The following TCF12 variants were observed in gnomAD, a reference collection of about 807,000 sequenced individuals.
TCF12 encodes DNA-binding protein HTF4.
TCF12 carries 45 observed loss-of-function variants against 86.0 expected under a neutral mutation model. The ratio of observed to expected loss-of-function variants is 0.52; its 90% CI spans 0.41 to 0.67. TCF12 has a LOEUF of 0.67. Among genes scored for constraint, TCF12 ranks in the 30% least tolerant of loss-of-function variants. The pLI, the probability that TCF12 is intolerant of heterozygous loss-of-function variation, is 0.00. For synonymous variants in TCF12, 330 were observed against 299.6 expected, an observed-to-expected ratio of 1.10 and a Z score of -1.05; for missense variants, 881 against 859.9, an observed-to-expected ratio of 1.02 and a Z score of -0.31.
chr15:56,923,568 A>G (rs2059884340), intron 3 of TCF12, among the ~76,000 whole-genome samples: 1 of 152,106 alleles, frequency 6.6e-6, no homozygotes, highest in Non-Finnish European at 1.5e-5. Context: ...AAGGTCAGGC[A>G]CTCTAATTAG....
chr15:57,255,412 T>C (rs964290819), intron 16 of TCF12, among the ~76,000 whole-genome samples: 2 of 152,218 alleles, frequency 1.3e-5, no homozygotes, highest in African/African-American at 2.4e-5. Context: ...TACTATATGC[T>C]GAAGGAATGC....
intron 5 of TCF12, among the ~76,000 whole-genome samples, chr15:57,127,276 C>T (rs1380840174): frequency 6.6e-6 from 1 of 152,098 alleles, no homozygotes; most frequent in East Asian, 1.9e-4. Context: ...AGCCACCTTG[C>T]CTGGCCCGCT....
chr15:56,991,259 A>G lies in TCF12; in HGVS notation c.148+70161A>G, dbSNP rs7175020. On this transcript the variant is annotated intron_variant, in intron 3 of 20. Coordinates refer to ENST00000333725, the MANE Select transcript of TCF12 (RefSeq NM_207037.2). ...GGATTTGCACTGATTTATGCATCCAATTCTCTCCTGATTTCTTTACTTTTC... is the reference window on the plus strand; with the variant it reads ...GGATTTGCACTGATTTATGCATCCAGTTCTCTCCTGATTTCTTTACTTTTC... 5.3e-3 allele frequency among the ~76,000 whole-genome samples: 810 copies of G among 152,186 alleles called. 11 individuals are homozygous for G. Among genetic ancestry groups the G allele is most frequent in the African/African-American group, 0.019 (769 of 41,518 alleles).
At chr15:57,219,405 G>A in intron 8 of TCF12, 1 of 1,366,218 alleles carries the variant, frequency 7.3e-7, no homozygotes, top group South Asian at 2.0e-5. Flanking sequence ...TTCCTTTTGA[G>A]TAGATCCATG....
rs554053446 is a variant in TCF12, at chr15:56,935,493, G to A, written c.148+14395G>A. ...TTTTTTAAAAAAATTTTTTGTTTCC[G>A]TAGGTTTTTGGGGAACAGGTGGTAT... On this transcript the variant is annotated intron_variant, in intron 3 of 20. Coordinates refer to ENST00000333725, the MANE Select transcript of TCF12 (RefSeq NM_207037.2). 3.9e-4 allele frequency among the ~76,000 whole-genome samples: 59 copies of A among 151,920 alleles called. 1 individual carries two copies. The highest frequency in any genetic ancestry group is 1.3e-3 in the African/African-American group (52 of 41,416).
rs1567452341 is a variant in TCF12 at position 57,115,418 on chromosome 15, T to C, written c.325+23527T>C. Among the ~76,000 whole-genome samples, 22 of 152,300 alleles carry C rather than the reference T, an allele frequency of 1.4e-4. 1 individual carries two copies. The South Asian group carries it at 4.6e-3, about 32-fold the overall frequency. ...ATTTTTGATGAAATTGGCAGTGACA[T>C]TAGTGGCATTAGCATCTTACAAACA... On this transcript the variant is annotated intron_variant, in intron 5 of 20. Coordinates refer to ENST00000333725, the MANE Select transcript of TCF12 (RefSeq NM_207037.2).
At chr15:56,982,674 A>G (rs2062952596) in intron 3 of TCF12, among the ~76,000 whole-genome samples, 1 of 152,236 alleles carries the variant, frequency 6.6e-6, no homozygotes, top group Non-Finnish European at 1.5e-5. Context: ...TAATCTTTCA[A>G]GGAGGAAGAA....
intron 5 of TCF12, among the ~76,000 whole-genome samples, chr15:57,115,762 C>T (rs575800170): frequency 1.8e-4 from 27 of 152,096 alleles, no homozygotes; most frequent in South Asian, 1.2e-3. Flanking sequence ...GTCATTTTGG[C>T]GTGTGGTGTA....
chr15:57,226,857 A>G (rs550130159), intron 8 of TCF12, among the ~76,000 whole-genome samples: 1 of 152,178 alleles, frequency 6.6e-6, no homozygotes, highest in Non-Finnish European at 1.5e-5. Context: ...AATAAAATTT[A>G]AAATTCAGTT....
intron 3 of TCF12, among the ~76,000 whole-genome samples, chr15:56,947,063 G>C (rs1368228343): frequency 6.6e-6 from 1 of 152,118 alleles, no homozygotes; most frequent in Non-Finnish European, 1.5e-5. Context: ...TTCGCAAATT[G>C]CTAGGATTAC....
intron 3 of TCF12, among the ~76,000 whole-genome samples, chr15:57,015,555 G>A (rs1410529946): frequency 3.3e-5 from 5 of 152,190 alleles, no homozygotes; most frequent in African/African-American, 1.2e-4. Context: ...AGGTTTGGCT[G>A]GCTGAGGTTT....
chr15:57,037,429 TCAAAAAAACAAA>T (rs1255290445), intron 3 of TCF12, among the ~76,000 whole-genome samples: 1 of 134,210 alleles, frequency 7.5e-6, no homozygotes, highest in Non-Finnish European at 1.5e-5. Context: ...TGACAAGAGC[TCAAAAAAACAAA>T]CAAACAAACA....
intron 4 of TCF12, among the ~76,000 whole-genome samples, chr15:57,078,602 A>G (rs1596426717): frequency 6.6e-6 from 1 of 152,056 alleles, no homozygotes; most frequent in East Asian, 1.9e-4. Context: ...CATATGCATT[A>G]TCACACTTCC....
chr15:57,079,621 C>G (rs1361010469), intron 4 of TCF12, among the ~76,000 whole-genome samples: 2 of 152,148 alleles, frequency 1.3e-5, no homozygotes, highest in African/African-American at 4.8e-5. Flanking sequence ...TTATTCAATT[C>G]TAGTAGATGT....
At chr15:57,174,272 A>T (rs1195847841) in intron 6 of TCF12, among the ~76,000 whole-genome samples, 1 of 152,206 alleles carries the variant, frequency 6.6e-6, no homozygotes, top group Admixed American at 6.5e-5. Flanking sequence ...TTGAAAATCC[A>T]TGTATTTAGT....
At chr15:57,064,029 G>T (rs538048987) in intron 4 of TCF12, among the ~76,000 whole-genome samples, 1 of 152,164 alleles carries the variant, frequency 6.6e-6, no homozygotes, top group South Asian at 2.1e-4. Context: ...AAATATTCTT[G>T]GTGTTACTTG....
At chr15:57,261,765 T>TATATAGGATTATTAACAGACCC (rs6145574) in intron 16 of TCF12, among the ~76,000 whole-genome samples, 1 of 151,760 alleles carries the variant, frequency 6.6e-6, no homozygotes, top group Non-Finnish European at 1.5e-5. Context: ...TCAGATTGAT[T>TATATAGGATTATTAACAGACCC]TATAATACGT....
At chr15:57,002,502 A>G (rs902727058) in intron 3 of TCF12, among the ~76,000 whole-genome samples, 2 of 152,332 alleles carry the variant, frequency 1.3e-5, no homozygotes, top group African/African-American at 2.4e-5. Flanking sequence ...CTGTGTAGTG[A>G]CATCTACCTA....
At chr15:57,229,016 A>G (rs1483004114) in intron 8 of TCF12, among the ~76,000 whole-genome samples, 1 of 151,960 alleles carries the variant, frequency 6.6e-6, no homozygotes, top group Non-Finnish European at 1.5e-5. Context: ...TGTGATAAAA[A>G]GCATGTGTTC....
Sources: gnomAD v4.1 joint callset for allele counts (sites outside exome capture counted in the v4.1 genomes callset) on GRCh38, gnomAD v4.1.1 for gene constraint, MANE v1.5 for transcripts, NCBI Gene and HGNC (gene_info 2026-07-23, HGNC 2026-07-21) for gene names.